ADARB2: variants seen among roughly 807,000 people sequenced by gnomAD.
The protein encoded by ADARB2 is adenosine deaminase RNA specific B2 (inactive).
Under a neutral mutation model 62.2 loss-of-function variants are expected in ADARB2, and 25 were observed. The ratio of observed to expected loss-of-function variants is 0.40; its 90% confidence interval spans 0.29 to 0.56. The LOEUF (loss-of-function observed/expected upper bound fraction) is 0.56. Among genes scored for constraint, ADARB2 ranks in the 20% least tolerant of loss-of-function variants. The pLI, the probability that ADARB2 is intolerant of heterozygous loss-of-function variation, is 0.43. For missense variants in ADARB2, 1,071 were observed against 1,077.4 expected (o/e 0.99, Z 0.08); for synonymous variants, 572 against 500.8 (o/e 1.14, Z -1.90).
intron 6 of ADARB2, among the ~76,000 whole-genome samples, chr10:1,229,605 C>T (rs1375225492): frequency 2.7e-5 from 4 of 147,808 alleles, no homozygotes; most frequent in South Asian, 4.2e-4. Flanking sequence ...GACTTAATCA[C>T]GTCATAGTTA....
chr10:1,272,444 C>CA (rs1331939706), intron 3 of ADARB2, among the ~76,000 whole-genome samples: 2 of 152,198 alleles, frequency 1.3e-5, no homozygotes, highest in Admixed American at 1.3e-4. Context: ...CTGCCAGAAG[C>CA]AAAAAACATG....
chr10:1,510,097 T>TC (rs1564312419), intron 1 of ADARB2, among the ~76,000 whole-genome samples: 1 of 116,396 alleles, frequency 8.6e-6, no homozygotes, highest in Non-Finnish European at 1.8e-5. Flanking sequence ...CTCTCTCTCT[T>TC]TTCTTTCTTT....
chr10:1,569,581 C>T (rs1832908510), intron 1 of ADARB2, among the ~76,000 whole-genome samples: 1 of 152,206 alleles, frequency 6.6e-6, no homozygotes, highest in South Asian at 2.1e-4. Context: ...TTCTGATGAG[C>T]TGCAGAGGAG....
chr10:1,693,954 C>G (rs551837004), intron 1 of ADARB2, among the ~76,000 whole-genome samples: 6 of 152,218 alleles, frequency 3.9e-5, no homozygotes, highest in Non-Finnish European at 8.8e-5. Context: ...CCACGGAACA[C>G]TAGTTCCTTG....
Position 1,363,328 on chromosome 10 carries a change from G to A in ADARB2, c.777C>T (p.Arg259=). The A allele has an allele frequency of 8.1e-7, 1 of 1,238,918 alleles. No individual in the cohort carries two copies. Among genetic ancestry groups the A allele is most frequent in the Non-Finnish European group, 1.0e-6 (1 of 991,352 alleles). The allele number at this position is 1,238,918 out of a possible 1,614,324, so 76.7% of individuals were successfully genotyped here. ...AAYGRRRLLC[R]ALDLVGPTPA... ...GGGTCGGGCCCACCAGGTCCAGCGC[G>A]CGGCACAGCAGCCGCCGTCGCCCGT... Residue 259 remains arginine, a synonymous_variant, in exon 3 of 10, where the codon CGC becomes CGT. Coordinates refer to ENST00000381312, the MANE Select transcript of ADARB2 (RefSeq NM_018702.4).
intron 4 of ADARB2, among the ~76,000 whole-genome samples, chr10:1,257,493 C>T (rs973181214): frequency 7.9e-5 from 12 of 152,218 alleles, no homozygotes; most frequent in Non-Finnish European, 1.8e-4. Flanking sequence ...CCCATCCCCT[C>T]TCTAACCTGG....
chr10:1,589,005 G>A (rs960119315), intron 1 of ADARB2, among the ~76,000 whole-genome samples: 1 of 152,284 alleles, frequency 6.6e-6, no homozygotes, highest in East Asian at 1.9e-4. Flanking sequence ...CCTGTGGCTG[G>A]GAGACGTAAC....
chr10:1,521,817 T>C (rs1832077636), intron 1 of ADARB2, among the ~76,000 whole-genome samples: 1 of 150,290 alleles, frequency 6.7e-6, no homozygotes, highest in South Asian at 2.2e-4. Flanking sequence ...GCTTCAAGTT[T>C]TTCCACCTTT....
At chr10:1,275,637 C>T (rs937106471) in intron 3 of ADARB2, among the ~76,000 whole-genome samples, 2 of 150,448 alleles carry the variant, frequency 1.3e-5, no homozygotes, top group African/African-American at 4.9e-5. Context: ...AGGTATATCT[C>T]CTAATGCTAT....
At chr10:1,533,285 A>G (rs1360384191) in intron 1 of ADARB2, among the ~76,000 whole-genome samples, 12 of 75,922 alleles carry the variant, frequency 1.6e-4, no homozygotes, top group African/African-American at 3.9e-4. Flanking sequence ...TGCCTGGCTC[A>G]TTCTTTTTTT....
At chr10:1,487,226 A>C (rs538475472) in intron 1 of ADARB2, among the ~76,000 whole-genome samples, 1 of 152,362 alleles carries the variant, frequency 6.6e-6, no homozygotes, top group South Asian at 2.1e-4. Context: ...AGGGTTGTCA[A>C]GTTATCTGGT....
chr10:1,572,147 ACAGGTGAGTGTG>A lies in ADARB2; in HGVS notation c.100+164892_100+164903del, dbSNP rs1450991064. On this transcript the variant is annotated intron_variant, in intron 1 of 9. Transcript: ENST00000381312. ...GGCAGGTGAGTGTGCAGGTGAGTGG[ACAGGTGAGTGTG>A]CAGGTGAGTGTGCAGGCGAGTAGGC... Among the ~76,000 whole-genome samples, 213 of 64,796 alleles carry A rather than the reference ACAGGTGAGTGTG, an allele frequency of 3.3e-3. 1 individual carries two copies. The highest frequency in any genetic ancestry group is 0.014 in the Middle Eastern group (1 of 74). 42.5% of individuals were successfully genotyped at this position (64,796 alleles called of 152,430 possible).
At chr10:1,257,355 C>T (rs552661736) in intron 4 of ADARB2, among the ~76,000 whole-genome samples, 2 of 152,222 alleles carry the variant, frequency 1.3e-5, no homozygotes, top group Non-Finnish European at 2.9e-5. Flanking sequence ...CATGGACTGG[C>T]TCCTCCCTGA....
chr10:1,503,216 TTTG>T (rs952589828), intron 1 of ADARB2, among the ~76,000 whole-genome samples: 64 of 152,274 alleles, frequency 4.2e-4, no homozygotes, highest in East Asian at 1.5e-3. Flanking sequence ...AAGGGATTTT[TTTG>T]TTGTTGTTGT....
intron 1 of ADARB2, among the ~76,000 whole-genome samples, chr10:1,468,949 A>G (rs913859511): frequency 3.3e-5 from 5 of 152,184 alleles, no homozygotes; most frequent in African/African-American, 1.2e-4. Flanking sequence ...TGCAGCTTAG[A>G]ACGTCGGGGT....
At chr10:1,515,828 GC>G (rs1244778903) in intron 1 of ADARB2, among the ~76,000 whole-genome samples, 123 of 152,358 alleles carry the variant, frequency 8.1e-4, no homozygotes, top group African/African-American at 3.0e-3. Context: ...TTCTCACTCA[GC>G]CGATTTGTGA....
chr10:1,271,072 G>C lies in ADARB2; in HGVS notation c.1078-3C>G. The C allele has an allele frequency of 6.2e-7, 1 of 1,613,246 alleles. No individual in the cohort carries two copies. The highest frequency in any genetic ancestry group is 8.5e-7 in the Non-Finnish European group (1 of 1,179,502). ...TGGGATATGGAGTCTGCGAATTCCT[G>C]AAAGACACAAGCACAGGCCTCCACG... On this transcript the variant is annotated splice_region_variant and splice_polypyrimidine_tract_variant and intron_variant, in intron 3 of 9. Coordinates refer to ENST00000381312, the MANE Select transcript of ADARB2 (RefSeq NM_018702.4).
intron 4 of ADARB2, among the ~76,000 whole-genome samples, chr10:1,266,625 C>A (rs547352603): frequency 1.3e-5 from 2 of 152,176 alleles, no homozygotes; most frequent in East Asian, 3.9e-4. Flanking sequence ...CCGGCCACCA[C>A]CGCAGAAGAC....
chr10:1,225,309 G>T (rs1830735593), intron 6 of ADARB2, among the ~76,000 whole-genome samples: 1 of 152,078 alleles, frequency 6.6e-6, no homozygotes, highest in African/African-American at 2.4e-5. Flanking sequence ...GTGTGTCTCT[G>T]CAGCTGAGAT....
Sources: allele counts gnomAD v4.1 joint callset (sites outside exome capture counted in the v4.1 genomes callset), GRCh38; gene constraint gnomAD v4.1.1; transcripts MANE v1.5; gene names NCBI Gene and HGNC (gene_info 2026-07-23, HGNC 2026-07-21).